DNMT3A: variants seen among roughly 807,000 people sequenced by gnomAD.
The protein encoded by DNMT3A is DNA methyltransferase 3 alpha.
In DNMT3A, 267 loss-of-function variants were observed where a neutral mutation model predicts 117.6. The observed-to-expected ratio is 2.27, with a 90% confidence interval of 2.05 to 2.51. DNMT3A has a LOEUF of 2.51. DNMT3A is among the 30% of genes most tolerant of loss of function. The probability of loss-of-function intolerance (pLI) is 0.00; values close to 1 mark genes in which losing one functional copy is unlikely to be tolerated. For synonymous variants in DNMT3A, 432 were observed against 474.8 expected, an observed-to-expected ratio of 0.91 and a Z score of 1.17; for missense variants, 1,029 against 1,260.2, an observed-to-expected ratio of 0.82 and a Z score of 2.78.
intron 3 of DNMT3A, among the ~76,000 whole-genome samples, chr2:25,292,733 T>C (rs2032848253): frequency 6.6e-6 from 1 of 152,170 alleles, no homozygotes; most frequent in Non-Finnish European, 1.5e-5. Context: ...CTGGAGCTTT[T>C]CCAACTCGCT....
At chr2:25,241,103 A>T (rs1673974613) in intron 17 of DNMT3A, among the ~76,000 whole-genome samples, 1 of 152,184 alleles carries the variant, frequency 6.6e-6, no homozygotes, top group Admixed American at 6.5e-5. Context: ...GAGGGCCTGT[A>T]GTCATGCTTA....
Position 25,247,800 on chromosome 2 carries a change from C to A in DNMT3A, c.856-51G>T. On this transcript the variant is annotated intron_variant, in intron 7 of 22. Transcript: ENST00000321117. This position sits in a 1 kb window ranked among gnomAD's most constrained non-coding sequence, Gnocchi z 5.6. ...TTACACAGTGGTCACGAGGCCCTGC[C>A]ACCCTGATCCCCCCATGGCAACCCC... 6.3e-7 allele frequency: 1 copy of A among 1,594,100 alleles called. No individual in the cohort carries two copies. Among genetic ancestry groups the A allele is most frequent in the Non-Finnish European group, 8.5e-7 (1 of 1,173,796 alleles).
chr2:25,284,925 T>C (rs75576812), intron 3 of DNMT3A, among the ~76,000 whole-genome samples: 1 of 152,180 alleles, frequency 6.6e-6, no homozygotes, highest in Non-Finnish European at 1.5e-5. Flanking sequence ...TGCAACTTGC[T>C]TTTTCACTTA....
Position 25,245,169 on chromosome 2 carries a change from A to C in DNMT3A, c.1554+84T>G. The C allele has an allele frequency of 5.2e-6, 7 of 1,345,144 alleles. No homozygotes were observed. The South Asian group carries it at 8.7e-5, about 17-fold the overall frequency. The allele number at this position is 1,345,144 out of a possible 1,614,324, so 83.3% of individuals were successfully genotyped here. On this transcript the variant is annotated intron_variant, in intron 13 of 22. Coordinates refer to ENST00000321117, the MANE Select transcript of DNMT3A (RefSeq NM_022552.5). ...ACGCACACCGGGTGTCACCCTGTAC[A>C]TGCCCAGAAGCGGTGGACACAGTCA...
In DNMT3A at chr2:25,248,090, C is replaced by G; in HGVS notation, c.802G>C (p.Asp268His). ...VATTPEPVGS[D>H]AGDKNATKAG... ...TTGGTGGCATTCTTGTCCCCAGCAT[C>G]GGACCCCACGGGCTCAGGCGTGGTA... is the stretch of plus-strand genomic sequence containing the variant. The change falls in exon 7 of 23, where the codon GAT becomes CAT. Residue 268 changes from aspartate (D) to histidine (H), a missense_variant. Physicochemically the swap from Asp to His is moderately conservative, Grantham distance 81. Coordinates refer to ENST00000321117, the MANE Select transcript of DNMT3A (RefSeq NM_022552.5). 6.2e-7 allele frequency: 1 copy of G among 1,613,200 alleles called. No individual in the cohort carries two copies. The highest frequency in any genetic ancestry group is 8.5e-7 in the Non-Finnish European group (1 of 1,180,004).
intron 6 of DNMT3A, among the ~76,000 whole-genome samples, chr2:25,274,570 G>A (rs1231484007): frequency 2.0e-5 from 3 of 152,120 alleles, no homozygotes; most frequent in Admixed American, 1.3e-4. Flanking sequence ...CCAGCTCTTC[G>A]GTTCCTTCAG....
Position 25,281,622 on chromosome 2 carries a change from C to T in DNMT3A, c.448+819G>A. 2 of 1,064,924 alleles carry T rather than the reference C, an allele frequency of 1.9e-6. No individual in the cohort carries two copies. Among genetic ancestry groups the T allele is most frequent in the Non-Finnish European group, 2.3e-6 (2 of 878,994 alleles). 66.0% of individuals were successfully genotyped at this position (1,064,924 alleles called of 1,614,324 possible). On this transcript the variant is annotated intron_variant, in intron 4 of 22. Coordinates refer to ENST00000321117, the MANE Select transcript of DNMT3A (RefSeq NM_022552.5). This position sits in a 1 kb window ranked among gnomAD's most constrained non-coding sequence, Gnocchi z 4.8. ...ACATATGCAAAACAACCTGGCAGGG[C>T]CCTGGGAGGATCAAATGTGATAATG...
rs1217483318 is a variant in DNMT3A at position 25,233,971 on chromosome 2, G to GA, written c.*307dup. The GA allele has an allele frequency of 3.7e-6, 1 of 269,650 alleles. No individual in the cohort carries two copies. Among genetic ancestry groups the GA allele is most frequent in the Non-Finnish European group, 7.0e-6 (1 of 143,454 alleles). 16.7% of individuals were successfully genotyped at this position (269,650 alleles called of 1,614,324 possible). ...ACCCAAACAAACAGAAAACCCCTCT[G>GA]AAAAGAGTAGAAAATAAAAGGTCTG... is the stretch of plus-strand genomic sequence containing the variant. On this transcript the variant is annotated 3_prime_UTR_variant, in exon 23 of 23. Transcript: ENST00000321117.
rs1673924351 is a variant in DNMT3A, at chr2:25,240,716, G to A, written c.2097C>T (p.Gly699=). 6.2e-7 allele frequency: 1 copy of A among 1,614,190 alleles called. No homozygotes were observed. The highest frequency in any genetic ancestry group is 1.1e-5 in the South Asian group (1 of 91,090). Residue 699 remains glycine (G), a synonymous_variant, in exon 18 of 23, where the codon GGC becomes GGT. Transcript: ENST00000321117. ...TGCCCCCAATCACCAGATCGAATGG[G>A]CCCCACTCCTGGATCTGGGAGGATA... ...SVTQKHIQEW[G]PFDLVIGGSP... is the part of the protein sequence containing the mutation.
intron 13 of DNMT3A, among the ~76,000 whole-genome samples, chr2:25,245,022 G>C (rs1674570089): frequency 6.6e-6 from 1 of 152,238 alleles, no homozygotes; most frequent in African/African-American, 2.4e-5. Flanking sequence ...GACTAAAATG[G>C]GGCTTGAGAG....
intron 16 of DNMT3A, 64 bp from the exon 17 acceptor site, chr2:25,241,771 G>C: frequency 6.3e-7 from 1 of 1,580,302 alleles, no homozygotes; most frequent in Non-Finnish European, 8.6e-7. Flanking sequence ...GGTCTCGGCA[G>C]GTGAGCCTGC....
At chr2:25,272,991 T>TTTTTTTTTTTTTTTA (rs1553421119) in intron 6 of DNMT3A, among the ~76,000 whole-genome samples, 1 of 147,866 alleles carries the variant, frequency 6.8e-6, no homozygotes, top group African/African-American at 2.5e-5. Flanking sequence ...TTTTTTTTTT[T>TTTTTTTTTTTTTTTA]GAGACAGAGT....
chr2:25,281,823 G>T lies in DNMT3A; in HGVS notation c.448+618C>A. ...AAAAGTCCCCAGATGAAGAGGCCTGGGCTGGGCAGTACACAGAATACAATC... is the reference window on the plus strand; with the variant it reads ...AAAAGTCCCCAGATGAAGAGGCCTGTGCTGGGCAGTACACAGAATACAATC... On this transcript the variant is annotated intron_variant, in intron 4 of 22. Transcript: ENST00000321117. The surrounding 1 kb of genome is among the most constrained non-coding windows in gnomAD (Gnocchi z 4.8). 1 of 1,066,594 alleles carries T rather than the reference G, an allele frequency of 9.4e-7. No homozygotes were observed. Among genetic ancestry groups the T allele is most frequent in the Non-Finnish European group, 1.1e-6 (1 of 880,142 alleles). The allele number at this position is 1,066,594 out of a possible 1,614,324, so 66.1% of individuals were successfully genotyped here. A position where few individuals can be genotyped will look rare whatever the true frequency, so the allele number is the denominator to read the frequency against.
At chr2:25,274,187 C>T (rs1429407708) in intron 6 of DNMT3A, among the ~76,000 whole-genome samples, 1 of 152,196 alleles carries the variant, frequency 6.6e-6, no homozygotes, top group African/African-American at 2.4e-5. Context: ...TCAGGCCAGA[C>T]CCCTGTGAGT....
intron 1 of DNMT3A, among the ~76,000 whole-genome samples, chr2:25,320,756 G>A (rs1385379679): frequency 6.6e-6 from 1 of 152,122 alleles, no homozygotes; most frequent in East Asian, 1.9e-4. Context: ...ACAAATATAT[G>A]TGTGTGTACA....
intron 1 of DNMT3A, among the ~76,000 whole-genome samples, chr2:25,325,549 CCCA>C (rs1464458946): frequency 4.6e-5 from 7 of 152,186 alleles, no homozygotes; most frequent in Admixed American, 2.6e-4. Flanking sequence ...GTTTCCCCAC[CCCA>C]CAACTCTAAA....
At position 25,252,559 on chromosome 2, in the gene DNMT3A, G is replaced by T. The variant is rs1176587091; in HGVS notation, c.640-4307C>A. Among the ~76,000 whole-genome samples the T allele has an allele frequency of 6.6e-6, 1 of 151,656 alleles. No homozygotes were observed. The highest frequency in any genetic ancestry group is 1.5e-5 in the Non-Finnish European group (1 of 67,850). On this transcript the variant is annotated intron_variant, in intron 6 of 22. Coordinates refer to ENST00000321117, the MANE Select transcript of DNMT3A (RefSeq NM_022552.5). This position sits in a 1 kb window ranked among gnomAD's most constrained non-coding sequence, Gnocchi z 5.5. ...CCGCCCAGGCCGGGCTGCAGGGAGC[G>T]CCCCGCCTTCGGGAAGACCGCCTGG...
chr2:25,298,698 A>G lies in DNMT3A; in HGVS notation c.177+1441T>C, dbSNP rs2033239813. ...GAATCTGGAGTCTGCTGCCAGCCAG[A>G]AAGTCCTCTCTGAAGCCCCGTGTTA... is the stretch of plus-strand genomic sequence containing the variant. On this transcript the variant is annotated intron_variant, in intron 3 of 22. Coordinates refer to ENST00000321117, the MANE Select transcript of DNMT3A (RefSeq NM_022552.5). This position sits in a 1 kb window ranked among gnomAD's most constrained non-coding sequence, Gnocchi z 4.3. Among the ~76,000 whole-genome samples the G allele has an allele frequency of 1.3e-5, 2 of 152,170 alleles. No individual in the cohort carries two copies. The highest frequency in any genetic ancestry group is 2.4e-5 in the African/African-American group (1 of 41,424).
In DNMT3A at chr2:25,314,028, C is replaced by T; in HGVS notation, c.-44G>A. On this transcript the variant is annotated 5_prime_UTR_variant, in exon 2 of 23. Transcript: ENST00000321117. ...GCTGGGGCTGCGCGGGGCTGGGGGG[C>T]TGCTGGGCTTTGGGGAAGGAATTAT... 6.7e-7 allele frequency: 1 copy of T among 1,492,990 alleles called. No homozygotes were observed. Among genetic ancestry groups the T allele is most frequent in the South Asian group, 1.3e-5 (1 of 76,344 alleles). 92.5% of individuals were successfully genotyped at this position (1,492,990 alleles called of 1,614,324 possible).
Sources: gnomAD v4.1 joint callset for allele counts (sites outside exome capture counted in the v4.1 genomes callset) on GRCh38, gnomAD v4.1.1 for gene constraint, Gnocchi (gnomAD v3.1) non-coding constraint, MANE v1.5 for transcripts, NCBI Gene and HGNC (gene_info 2026-07-23, HGNC 2026-07-21) for gene names.